CDYL2: variants seen among roughly 807,000 people sequenced by gnomAD.
CDYL2 encodes chromodomain Y-like protein 2.
CDYL2 carries 23 observed loss-of-function variants against 49.4 expected under a neutral mutation model. The ratio of observed to expected loss-of-function variants is 0.47; its 90% CI spans 0.34 to 0.66. The LOEUF is 0.66. Ranked by LOEUF, CDYL2 falls within the 30% of genes least tolerant of loss-of-function variation. The probability of loss-of-function intolerance (pLI) is 0.01; values close to 1 mark genes in which losing one functional copy is unlikely to be tolerated. For synonymous variants in CDYL2, 360 were observed against 268.8 expected (o/e 1.34, Z -3.32); for missense variants, 678 against 656.4 (o/e 1.03, Z -0.36).
chr16:80,614,909 C>G (rs867447076), intron 4 of CDYL2, among the ~76,000 whole-genome samples: 1 of 150,412 alleles, frequency 6.6e-6, no homozygotes, highest in Middle Eastern at 3.4e-3. Context: ...TGATTTATCT[C>G]TTCTCAATCA....
intron 3 of CDYL2, among the ~76,000 whole-genome samples, chr16:80,621,149 G>A (rs1020373574): frequency 6.6e-6 from 1 of 152,242 alleles, no homozygotes; most frequent in Admixed American, 6.5e-5. Context: ...CACCATCCCC[G>A]GAGAAGGCAG....
intron 2 of CDYL2, among the ~76,000 whole-genome samples, chr16:80,665,557 C>T (rs1256122096): frequency 6.7e-5 from 10 of 148,694 alleles, no homozygotes; most frequent in African/African-American, 1.7e-4. Flanking sequence ...TTTGCACCAA[C>T]CTAATAATAT....
intron 1 of CDYL2, among the ~76,000 whole-genome samples, chr16:80,702,930 A>C (rs1904310556): frequency 6.6e-6 from 1 of 152,222 alleles, no homozygotes; most frequent in Non-Finnish European, 1.5e-5. Flanking sequence ...ACAGAAGCCT[A>C]AGAAATAATC....
intron 2 of CDYL2, among the ~76,000 whole-genome samples, chr16:80,660,985 A>C (rs1464972666): frequency 1.3e-5 from 2 of 152,110 alleles, no homozygotes; most frequent in African/African-American, 4.8e-5. Context: ...CAGGAAGTGG[A>C]GGGCTGGGGT....
intron 1 of CDYL2, among the ~76,000 whole-genome samples, chr16:80,711,025 G>C (rs1164439102): frequency 1.3e-5 from 2 of 152,212 alleles, no homozygotes; most frequent in African/African-American, 4.8e-5. Flanking sequence ...CAGCCCTGCT[G>C]CTTGCTGTAA....
chr16:80,737,144 T>C (rs1419886925), intron 1 of CDYL2, among the ~76,000 whole-genome samples: 1 of 152,110 alleles, frequency 6.6e-6, no homozygotes, highest in African/African-American at 2.4e-5. Flanking sequence ...GCCTCACAAA[T>C]CTATCCATGC....
At chr16:80,650,896 T>G (rs1428497705) in intron 2 of CDYL2, among the ~76,000 whole-genome samples, 1 of 144,794 alleles carries the variant, frequency 6.9e-6, no homozygotes, top group Non-Finnish European at 1.5e-5. Flanking sequence ...TGATTTCACT[T>G]ATTTGTGGGA....
chr16:80,777,963 A>T (rs186195941), intron 1 of CDYL2, among the ~76,000 whole-genome samples: 983 of 98,028 alleles, frequency 0.01, 19 homozygotes, highest in African/African-American at 0.025. Flanking sequence ...ATACTAAAAT[A>T]AAAAAAAATG....
intron 1 of CDYL2, among the ~76,000 whole-genome samples, chr16:80,730,855 G>A (rs1428769109): frequency 6.6e-6 from 1 of 152,130 alleles, no homozygotes; most frequent in African/African-American, 2.4e-5. Context: ...AGACAAAAGG[G>A]AGCACACATT....
At chr16:80,720,344 G>GC (rs1904956603) in intron 1 of CDYL2, among the ~76,000 whole-genome samples, 1 of 152,164 alleles carries the variant, frequency 6.6e-6, no homozygotes, top group Admixed American at 6.5e-5. Context: ...ACTGGGTTTT[G>GC]CCCCGCAGAT....
intron 1 of CDYL2, among the ~76,000 whole-genome samples, chr16:80,687,073 G>T (rs958212566): frequency 6.6e-6 from 1 of 152,228 alleles, no homozygotes; most frequent in African/African-American, 2.4e-5. Flanking sequence ...TTCTGGAAGA[G>T]CCTGCAGCTT....
chr16:80,747,961 A>G (rs1905989123), intron 1 of CDYL2, among the ~76,000 whole-genome samples: 1 of 151,682 alleles, frequency 6.6e-6, no homozygotes, highest in Non-Finnish European at 1.5e-5. Flanking sequence ...AATCCATTCT[A>G]TATTTGTTCA....
intron 2 of CDYL2, among the ~76,000 whole-genome samples, chr16:80,664,563 G>A (rs549421976): frequency 4.9e-4 from 74 of 152,328 alleles, no homozygotes; most frequent in African/African-American, 1.7e-3. Flanking sequence ...ACCACATAGT[G>A]AGGGGAAAGC....
chr16:80,777,143 C>G (rs1446407622), intron 1 of CDYL2, among the ~76,000 whole-genome samples: 4 of 151,944 alleles, frequency 2.6e-5, no homozygotes, highest in Admixed American at 6.6e-5. Context: ...TTTTTAAAGT[C>G]AAGAAAATAA....
At chr16:80,667,937 G>A (rs1016774316) in intron 2 of CDYL2, among the ~76,000 whole-genome samples, 1 of 152,188 alleles carries the variant, frequency 6.6e-6, no homozygotes, top group Non-Finnish European at 1.5e-5. Flanking sequence ...CGCCACCACT[G>A]TTTCCACAGC....
At chr16:80,746,975 G>A (rs772009653) in intron 1 of CDYL2, among the ~76,000 whole-genome samples, 5 of 152,138 alleles carry the variant, frequency 3.3e-5, no homozygotes, top group Admixed American at 6.5e-5. Flanking sequence ...CAACTGGCTG[G>A]ATTTCAAAAG....
chr16:80,619,148 C>T (rs1449951966), intron 4 of CDYL2, among the ~76,000 whole-genome samples: 1 of 152,156 alleles, frequency 6.6e-6, no homozygotes, highest in East Asian at 1.9e-4. Context: ...TGTCACATTA[C>T]CTTCTCCTGT....
intron 1 of CDYL2, among the ~76,000 whole-genome samples, chr16:80,695,842 A>T (rs1910595708): frequency 6.6e-6 from 1 of 152,202 alleles, no homozygotes; most frequent in East Asian, 1.9e-4. Flanking sequence ...CACGAGACAG[A>T]TCAAGCAGGC....
Position 80,608,221 on chromosome 16 carries a change from C to G in CDYL2, c.1233G>C (p.Leu411=), listed in dbSNP as rs773537283. The change falls in exon 6 of 7, where the codon CTG becomes CTC. Residue 411 remains leucine (L), a synonymous_variant. Coordinates refer to ENST00000570137, the MANE Select transcript of CDYL2 (RefSeq NM_152342.4). Reference sequence around the variant, plus strand: ...GGGCGGTGAGCTTCCGCCCACAGAACAGCATCTCATTGGCCTGAAAAAGCA... The same window carrying G: ...GGGCGGTGAGCTTCCGCCCACAGAAGAGCATCTCATTGGCCTGAAAAAGCA... ...ILGVALANEM[L]FCGRKLTAQE... is the part of the protein sequence containing the mutation. 1.3e-6 allele frequency: 2 copies of G among 1,580,428 alleles called. No individual in the cohort carries two copies. Among genetic ancestry groups the G allele is most frequent in the Non-Finnish European group, 8.6e-7 (1 of 1,162,240 alleles).
Sources: gnomAD v4.1 joint callset for allele counts (sites outside exome capture counted in the v4.1 genomes callset) on GRCh38, gnomAD v4.1.1 for gene constraint, MANE v1.5 for transcripts, NCBI Gene and HGNC (gene_info 2026-07-23, HGNC 2026-07-21) for gene names.